The following MOBP variants were observed in gnomAD, a reference collection of about 807,000 sequenced individuals.
The protein encoded by MOBP is myelin-associated oligodendrocyte basic protein.
A neutral mutation model predicts 15.0 loss-of-function variants in MOBP; 5 were observed. The observed-to-expected ratio is 0.33, with a 90% CI of 0.17 to 0.70. The LOEUF (loss-of-function observed/expected upper bound fraction) is 0.70, where lower values mean the gene tolerates loss of function less well. Among genes scored for constraint, MOBP ranks in the 30% least tolerant of loss-of-function variants. The probability of loss-of-function intolerance (pLI) is 0.67; values close to 1 mark genes in which losing one functional copy is unlikely to be tolerated. For missense variants in MOBP, 188 were observed against 257.8 expected, an observed-to-expected ratio of 0.73 and a Z score of 1.85; for synonymous variants, 88 against 99.0, an observed-to-expected ratio of 0.89 and a Z score of 0.66.
chr3:39,523,784 T>G lies in MOBP; in HGVS notation c.*259-459T>G, dbSNP rs1378609688. Among the ~76,000 whole-genome samples the G allele has an allele frequency of 2.6e-5, 4 of 152,198 alleles. No homozygotes were observed. In the East Asian group the frequency reaches 7.7e-4, roughly 29 times the overall value. On this transcript the variant is annotated intron_variant and NMD_transcript_variant, in intron 3 of 4. Coordinates refer to the MOBP transcript ENST00000424090. ...AAAATGGGCAAGAACACTGCAATCT[T>G]GGAAAAGACATGGAGTTATGTAACA... is the stretch of plus-strand genomic sequence containing the variant.
chr3:39,488,567 C>T (rs563076834), intron 2 of MOBP, among the ~76,000 whole-genome samples: 2 of 152,256 alleles, frequency 1.3e-5, no homozygotes, highest in East Asian at 1.9e-4. Context: ...GCACTTAGAC[C>T]TTTAGAAGCA....
intron 1 of MOBP, among the ~76,000 whole-genome samples, chr3:39,469,273 G>GAT (rs541791127): frequency 7.2e-5 from 9 of 125,640 alleles, no homozygotes; most frequent in Non-Finnish European, 9.0e-5. Context: ...TATATGTATA[G>GAT]ATATATATAC....
chr3:39,483,500 C>T (rs2042656124), intron 2 of MOBP, among the ~76,000 whole-genome samples: 1 of 152,224 alleles, frequency 6.6e-6, no homozygotes, highest in South Asian at 2.1e-4. Context: ...TAGTAGCTAT[C>T]ACCACTCACT....
chr3:39,496,686 G>A (rs1277647056), intron 2 of MOBP, among the ~76,000 whole-genome samples: 2 of 148,388 alleles, frequency 1.3e-5, no homozygotes, highest in African/African-American at 5.0e-5. Flanking sequence ...TTTTTGAGAC[G>A]GAGTTTCGCT....
chr3:39,479,079 C>T (rs766323850), intron 1 of MOBP, among the ~76,000 whole-genome samples: 3 of 152,104 alleles, frequency 2.0e-5, no homozygotes, highest in Non-Finnish European at 4.4e-5. Flanking sequence ...CCACCCGCCT[C>T]GGCCTCCCAA....
At chr3:39,509,725 T>A (rs2125665473) in intron 4 of MOBP, among the ~76,000 whole-genome samples, 1 of 152,286 alleles carries the variant, frequency 6.6e-6, no homozygotes, top group East Asian at 1.9e-4. Flanking sequence ...TTTATCAAAT[T>A]TTACTATCAC....
intron 2 of MOBP, among the ~76,000 whole-genome samples, chr3:39,486,989 A>T (rs1034733530): frequency 5.4e-5 from 8 of 148,704 alleles, no homozygotes; most frequent in Admixed American, 6.7e-5. Context: ...TGCCCAGGCT[A>T]GAGTGCAGTG....
exon 5 of MOBP, chr3:39,514,452 TC>T (rs966293729): frequency 1.3e-5 from 2 of 152,198 alleles, no homozygotes; most frequent in African/African-American, 4.8e-5. Flanking sequence ...TGCTCAGAGT[TC>T]CTATTTCCAC....
intron 2 of MOBP, among the ~76,000 whole-genome samples, chr3:39,495,841 C>T (rs946408123): frequency 2.1e-5 from 3 of 142,550 alleles, no homozygotes; most frequent in African/African-American, 7.8e-5. Context: ...AGAACAAAGA[C>T]AAGAAAACCA....
intron 1 of MOBP, among the ~76,000 whole-genome samples, chr3:39,479,015 A>C (rs921978017): frequency 2.0e-5 from 3 of 152,036 alleles, no homozygotes; most frequent in Non-Finnish European, 2.9e-5. Context: ...TTTTTAGTAG[A>C]GACGGGGCTT....
At chr3:39,518,778 A>T (rs948407483), downstream of MOBP, among the ~76,000 whole-genome samples, 3 of 152,218 alleles carry the variant, frequency 2.0e-5, no homozygotes, top group Non-Finnish European at 4.4e-5. Flanking sequence ...TCATGTTTAC[A>T]TGCAGATCAA....
chr3:39,526,684 C>A (rs2043326705), downstream of MOBP: 1 of 151,546 alleles, frequency 6.6e-6, no homozygotes, highest in South Asian at 2.1e-4. Context: ...AAATACCCAA[C>A]AACTGGGTCT....
Position 39,469,128 on chromosome 3 carries a change from ATGTG to A in MOBP, c.-89+1394_-89+1397del, listed in dbSNP as rs1165245478. 3.2e-4 allele frequency among the ~76,000 whole-genome samples: 24 copies of A among 74,092 alleles called. 3 individuals are homozygous for A. The South Asian group carries it at 9.5e-3, about 29-fold the overall frequency. 48.6% of individuals were successfully genotyped at this position (74,092 alleles called of 152,430 possible). ...TGTGTGTATATATACATATATACAT[ATGTG>A]TGTGTATATACATATATACATATGT... On this transcript the variant is annotated intron_variant, in intron 1 of 3. Coordinates refer to ENST00000684792, the MANE Select transcript of MOBP (RefSeq NM_001393704.1).
chr3:39,524,960 TATA>T (rs1275932651), downstream of MOBP: 1 of 151,676 alleles, frequency 6.6e-6, no homozygotes, highest in Non-Finnish European at 1.5e-5. Flanking sequence ...GCAAATGTAA[TATA>T]ATATACTATG....
intron 4 of MOBP, among the ~76,000 whole-genome samples, chr3:39,508,144 A>G (rs2043070328): frequency 6.6e-6 from 1 of 152,210 alleles, no homozygotes; most frequent in Non-Finnish European, 1.5e-5. Flanking sequence ...TCCTTTGGGC[A>G]GTTATAGTTC....
chr3:39,506,137 A>G (rs371459594), downstream of MOBP, among the ~76,000 whole-genome samples: 35 of 151,486 alleles, frequency 2.3e-4, 2 homozygotes, highest in Admixed American at 1.5e-3. Flanking sequence ...TAACCACTTC[A>G]GCCTTTGTAT....
chr3:39,508,115 A>T (rs1055797831), intron 4 of MOBP, among the ~76,000 whole-genome samples: 1 of 152,216 alleles, frequency 6.6e-6, no homozygotes, highest in African/African-American at 2.4e-5. Context: ...AATTGTGTTT[A>T]TCCTATCACT....
At chr3:39,504,791 G>A (rs565685768), downstream of MOBP, among the ~76,000 whole-genome samples, 1 of 152,370 alleles carries the variant, frequency 6.6e-6, no homozygotes, top group East Asian at 1.9e-4. Context: ...GCAGGTTGAT[G>A]TGATGGGAAA....
intron 1 of MOBP, among the ~76,000 whole-genome samples, chr3:39,474,341 A>G (rs1284755292): frequency 6.6e-6 from 1 of 152,246 alleles, no homozygotes; most frequent in Non-Finnish European, 1.5e-5. Context: ...ACAGACTCAA[A>G]TTACAGTGAT....
Sources: allele counts gnomAD v4.1 joint callset (sites outside exome capture counted in the v4.1 genomes callset), GRCh38; gene constraint gnomAD v4.1.1; transcripts MANE v1.5; gene names NCBI Gene and HGNC (gene_info 2026-07-23, HGNC 2026-07-21).